Variants in PLAGL1 observed in about 807,000 individuals in gnomAD.
PLAGL1 encodes the protein zinc finger protein PLAGL1.
A neutral mutation model predicts 4.6 loss-of-function variants in PLAGL1; 1 was observed. That is an observed-to-expected ratio of 0.22 (90% confidence interval 0.08 to 1.03). The LOEUF (loss-of-function observed/expected upper bound fraction) is 1.03, where lower values mean the gene tolerates loss of function less well. Among genes scored for constraint, PLAGL1 ranks in the 50% least tolerant of loss-of-function variants. The pLI is 0.58. For synonymous variants in PLAGL1, 240 were observed against 237.8 expected (o/e 1.01, Z -0.08); for missense variants, 464 against 570.4 (o/e 0.81, Z 1.90).
chr6:143,945,430 G>A lies in PLAGL1; in HGVS notation c.152+2555C>T, dbSNP rs1353869937. Among the ~76,000 whole-genome samples, 1 of 152,144 alleles carries A rather than the reference G, an allele frequency of 6.6e-6. No individual in the cohort carries two copies. The highest frequency in any genetic ancestry group is 2.4e-5 in the African/African-American group (1 of 41,430). On this transcript the variant is annotated intron_variant, in intron 7 of 7. Coordinates refer to ENST00000674357, the MANE Select transcript of PLAGL1 (RefSeq NM_001317162.2). This position sits in a 1 kb window ranked among gnomAD's most constrained non-coding sequence, Gnocchi z 4.2. ...TATGCTGTACTGGGACCCACATTCT[G>A]TTTTCTGGTTAAGCAAGTCAGTTAT...
chr6:143,965,618 A>G lies in PLAGL1; in HGVS notation c.-431+540T>C, dbSNP rs554586846. 54 of 152,318 alleles carry G rather than the reference A, an allele frequency of 3.5e-4. 1 individual carries two copies. The highest frequency in any genetic ancestry group is 1.0e-3 in the African/African-American group (42 of 41,556). The allele number at this position is 152,318 out of a possible 1,614,324, so 9.4% of individuals were successfully genotyped here. A position where few individuals can be genotyped will look rare whatever the true frequency, so the allele number is the denominator to read the frequency against. On this transcript the variant is annotated intron_variant, in intron 4 of 7. Coordinates refer to ENST00000674357, the MANE Select transcript of PLAGL1 (RefSeq NM_001317162.2). The surrounding 1 kb of genome is among the most constrained non-coding windows in gnomAD (Gnocchi z 7.5). ...GCTATTTTAGTTATAAGGAGGTGGG[A>G]ACGCTGTGTTAAATTGTACCCAAGA...
rs1795388812 is a variant in PLAGL1, at chr6:144,013,994, A to G, written c.-150-45016T>C. On this transcript the variant is annotated intron_variant, in intron 1 of 3. Coordinates refer to the PLAGL1 transcript ENST00000437412. The surrounding 1 kb of genome is among the most constrained non-coding windows in gnomAD (Gnocchi z 4.4). ...GGGCAAAATCCATGTCAGCTTTGCT[A>G]TAGAAATTGACAAGCTGATTCTAAA... 6.6e-6 allele frequency among the ~76,000 whole-genome samples: 1 copy of G among 152,194 alleles called. No individual in the cohort carries two copies. The highest frequency in any genetic ancestry group is 6.5e-5 in the Admixed American group (1 of 15,278).
intron 1 of PLAGL1, among the ~76,000 whole-genome samples, chr6:144,030,020 G>A (rs191767190): frequency 6.6e-6 from 1 of 152,174 alleles, no homozygotes; most frequent in Admixed American, 6.5e-5. Context: ...TTGGGAGGCC[G>A]AGGCGGGAGG....
intron 7 of PLAGL1, among the ~76,000 whole-genome samples, chr6:143,944,510 C>T (rs1318451561): frequency 1.3e-5 from 2 of 152,196 alleles, no homozygotes; most frequent in Non-Finnish European, 2.9e-5. Flanking sequence ...CCCTCCAGTA[C>T]ACCACAGCTT....
Position 143,945,539 on chromosome 6 carries a change from G to A in PLAGL1, c.152+2446C>T, listed in dbSNP as rs2284711. Among the ~76,000 whole-genome samples the A allele has an allele frequency of 0.37, 55,761 of 152,026 alleles. 10,898 individuals carry two copies. The highest frequency in any genetic ancestry group is 0.44 in the Non-Finnish European group (30,101 of 67,966). On this transcript the variant is annotated intron_variant, in intron 7 of 7. Transcript: ENST00000674357. The surrounding 1 kb of genome is among the most constrained non-coding windows in gnomAD (Gnocchi z 4.2). The stretch of plus-strand genomic sequence containing the variant: ...TCACCAGGCTGAAGTGCAGTGGCTC[G>A]ATGTCAGCTCACTGCAACCTCTGCC...
rs1222499266 is a variant in PLAGL1 at position 143,989,291 on chromosome 6, GT to G, written c.-583-4118del. ...AGAGTGTGATATGACAGTGAATTGT[GT>G]CAACGTGACTGTGCCACAAGTGCCA... On this transcript the variant is annotated intron_variant, in intron 1 of 7. Coordinates refer to ENST00000674357, the MANE Select transcript of PLAGL1 (RefSeq NM_001317162.2). The surrounding 1 kb of genome is among the most constrained non-coding windows in gnomAD (Gnocchi z 4.8). Among the ~76,000 whole-genome samples, 5 of 152,200 alleles carry G rather than the reference GT, an allele frequency of 3.3e-5. No individual in the cohort carries two copies. The highest frequency in any genetic ancestry group is 1.2e-4 in the African/African-American group (5 of 41,450).
chr6:143,941,866 GGCAGGCTT>G lies in PLAGL1; in HGVS notation c.942_949del (p.Ser315ProfsTer6), dbSNP rs1299678194. On this transcript the variant is annotated frameshift_variant, in exon 8 of 8. Coordinates refer to ENST00000674357, the MANE Select transcript of PLAGL1 (RefSeq NM_001317162.2). LOFTEE classifies it low-confidence loss of function (END_TRUNC). The surrounding 1 kb of genome is among the most constrained non-coding windows in gnomAD (Gnocchi z 6.0). ...AAAACCTTTAGTATCTGCTTTGAGG[GGCAGGCTT>G]GCAAGTGGGGAGTATGAGGTAGAAG... The G allele has an allele frequency of 6.2e-7, 1 of 1,614,142 alleles. No individual in the cohort carries two copies. Among genetic ancestry groups the G allele is most frequent in the African/African-American group, 1.3e-5 (1 of 75,036 alleles).
Position 143,947,963 on chromosome 6 carries a change from T to C in PLAGL1, c.152+22A>G. 6.2e-7 allele frequency: 1 copy of C among 1,607,746 alleles called. No individual in the cohort carries two copies. The highest frequency in any genetic ancestry group is 8.5e-7 in the Non-Finnish European group (1 of 1,174,538). On this transcript the variant is annotated intron_variant, in intron 7 of 7. Transcript: ENST00000674357. The surrounding 1 kb of genome is among the most constrained non-coding windows in gnomAD (Gnocchi z 4.3). Reference sequence around the variant, plus strand: ...ATTTAAACGTACTTCTAAAAGTGCATACCTTTGCCAAAGCCTCTCACCTCA... The same window carrying C: ...ATTTAAACGTACTTCTAAAAGTGCACACCTTTGCCAAAGCCTCTCACCTCA...
chr6:144,028,748 C>T (rs1449822829), intron 1 of PLAGL1, among the ~76,000 whole-genome samples: 1 of 152,184 alleles, frequency 6.6e-6, no homozygotes, highest in East Asian at 1.9e-4. Flanking sequence ...GTCAAATACT[C>T]AAAGCAAGTG....
At chr6:144,044,336 C>T (rs1797965375) in intron 1 of PLAGL1, among the ~76,000 whole-genome samples, 1 of 152,214 alleles carries the variant, frequency 6.6e-6, no homozygotes, top group African/African-American at 2.4e-5. Context: ...TTTCCCTCTA[C>T]ACACTGCTTT....
intron 2 of PLAGL1, among the ~76,000 whole-genome samples, chr6:143,981,284 T>C (rs1787894131): frequency 6.6e-6 from 1 of 152,096 alleles, no homozygotes; most frequent in Non-Finnish European, 1.5e-5. Context: ...CACTCTTCAC[T>C]GCCTTATATG....
rs184170149 is a variant in PLAGL1, at chr6:143,958,409, G to A, written c.-325+2060C>T. On this transcript the variant is annotated intron_variant, in intron 6 of 7. Coordinates refer to ENST00000674357, the MANE Select transcript of PLAGL1 (RefSeq NM_001317162.2). This position sits in a 1 kb window ranked among gnomAD's most constrained non-coding sequence, Gnocchi z 5.1. ...TAACGTGCAGTAACTTTTCAAGCTC[G>A]ATGTAGAAATATCCAGAACTTATAG... Among the ~76,000 whole-genome samples the A allele has an allele frequency of 3.3e-5, 5 of 152,278 alleles. No homozygotes were observed. Among genetic ancestry groups the A allele is most frequent in the Admixed American group, 2.6e-4 (4 of 15,302 alleles).
Position 143,942,953 on chromosome 6 carries a change from C to T in PLAGL1, c.153-290G>A, listed in dbSNP as rs60177885. Among the ~76,000 whole-genome samples the T allele has an allele frequency of 0.03, 4,472 of 151,382 alleles. 197 individuals carry two copies. Among genetic ancestry groups the T allele is most frequent in the African/African-American group, 0.095 (3,931 of 41,202 alleles). On this transcript the variant is annotated intron_variant, in intron 7 of 7. Transcript: ENST00000674357. The surrounding 1 kb of genome is among the most constrained non-coding windows in gnomAD (Gnocchi z 7.6). Reference sequence around the variant, plus strand: ...CGATCATGGCTCACTGCAGCCTCAACGTCCTGGGCTCAAGCAATCTTCCCA... The same window carrying T: ...CGATCATGGCTCACTGCAGCCTCAATGTCCTGGGCTCAAGCAATCTTCCCA...
Position 143,959,957 on chromosome 6 carries a change from A to C in PLAGL1, c.-325+512T>G, listed in dbSNP as rs1443825059. Among the ~76,000 whole-genome samples the C allele has an allele frequency of 6.6e-6, 1 of 152,242 alleles. No homozygotes were observed. Among genetic ancestry groups the C allele is most frequent in the Non-Finnish European group, 1.5e-5 (1 of 68,044 alleles). ...GTCTACATGAGCAGTGAAGTTCAGC[A>C]ACTGCTTTACAACAGCGTTTTCAAA... On this transcript the variant is annotated intron_variant, in intron 6 of 7. Transcript: ENST00000674357. The surrounding 1 kb of genome is among the most constrained non-coding windows in gnomAD (Gnocchi z 5.3).
chr6:144,056,624 A>T lies in PLAGL1; in HGVS notation c.-151+7844T>A, dbSNP rs74469809. Among the ~76,000 whole-genome samples, 1,286 of 152,184 alleles carry T rather than the reference A, an allele frequency of 8.5e-3. 67 individuals carry two copies. In the East Asian group the frequency reaches 0.14, roughly 17 times the overall value. ...TTTCACTTAGTAATATGCATTTAAGATTCCTCCATGTCCTTTCATGGCTTG... is the reference window on the plus strand; with the variant it reads ...TTTCACTTAGTAATATGCATTTAAGTTTCCTCCATGTCCTTTCATGGCTTG... On this transcript the variant is annotated intron_variant, in intron 1 of 3. Transcript: ENST00000437412. The surrounding 1 kb of genome is among the most constrained non-coding windows in gnomAD (Gnocchi z 4.7).
rs113101752 is a variant in PLAGL1 at position 143,985,978 on chromosome 6, A to C, written c.-583-804T>G. ...CATATATATCAAATTATATATATAT[A>C]AAATTATATATATATATATATATAT... On this transcript the variant is annotated intron_variant, in intron 1 of 7. Coordinates refer to ENST00000674357, the MANE Select transcript of PLAGL1 (RefSeq NM_001317162.2). The surrounding 1 kb of genome is among the most constrained non-coding windows in gnomAD (Gnocchi z 4.4). Among the ~76,000 whole-genome samples the C allele has an allele frequency of 0.16, 13,404 of 81,504 alleles. 1,002 individuals are homozygous for C. The highest frequency in any genetic ancestry group is 0.39 in the East Asian group (1,011 of 2,582). 53.5% of individuals were successfully genotyped at this position (81,504 alleles called of 152,430 possible).
At chr6:144,011,577 G>C (rs186898170), upstream of PLAGL1, among the ~76,000 whole-genome samples, 1 of 152,260 alleles carries the variant, frequency 6.6e-6, no homozygotes, top group African/African-American at 2.4e-5. The surrounding 1 kb of genome is among the most constrained non-coding windows in gnomAD (Gnocchi z 4.3). Flanking sequence ...CCAATTTATA[G>C]ATTATGTTCT....
Position 143,941,657 on chromosome 6 carries a change from A to G in PLAGL1, c.1159T>C (p.Trp387Arg). The G allele has an allele frequency of 1.2e-6, 2 of 1,614,264 alleles. No individual in the cohort carries two copies. The highest frequency in any genetic ancestry group is 1.7e-6 in the Non-Finnish European group (2 of 1,180,046). Residue 387 changes from tryptophan to arginine, a missense_variant, in exon 8 of 8, where the codon TGG becomes CGG. Around this residue, in one of 4 missense-constraint regions of PLAGL1, gnomAD observed 248 missense variants for 250.1 expected, o/e 0.99. Transcript: ENST00000674357. The surrounding 1 kb of genome is among the most constrained non-coding windows in gnomAD (Gnocchi z 6.0). ...TGGGTAGCAGGAGGGGGCAGCTGCC[A>G]GAAGCCCAACAGGGGGGACAGGTCC... ...SLDLSPLLGF[W>R]QLPPPATQNT...
intron 1 of PLAGL1, among the ~76,000 whole-genome samples, chr6:144,060,637 G>T (rs1044738142): frequency 1.3e-5 from 2 of 152,190 alleles, no homozygotes; most frequent in Non-Finnish European, 2.9e-5. Context: ...ACACTGGGAA[G>T]TATTCTCCAA....
Sources: gnomAD v4.1 joint callset for allele counts (sites outside exome capture counted in the v4.1 genomes callset) on GRCh38, gnomAD v4.1.1 for gene constraint, gnomAD v4.1.1 regional missense constraint, Gnocchi (gnomAD v3.1) non-coding constraint, MANE v1.5 for transcripts, NCBI Gene and HGNC (gene_info 2026-07-23, HGNC 2026-07-21) for gene names.